Variants in ATOH8 observed in about 807,000 individuals in gnomAD.
The protein encoded by ATOH8 is transcription factor ATOH8.
Under a neutral mutation model 21.2 loss-of-function variants are expected in ATOH8, and 9 were observed. The ratio of observed to expected loss-of-function variants is 0.42; its 90% CI spans 0.26 to 0.74. The LOEUF (loss-of-function observed/expected upper bound fraction) is 0.74. Ranked by LOEUF, ATOH8 falls within the 30% of genes least tolerant of loss-of-function variation. ATOH8 has a pLI of 0.24. For synonymous variants in ATOH8, 253 were observed against 224.0 expected, an observed-to-expected ratio of 1.13 and a Z score of -1.16; for missense variants, 524 against 470.9, an observed-to-expected ratio of 1.11 and a Z score of -1.04.
intron 2 of ATOH8, chr2:85,772,828 C>T (rs944829412): frequency 1.1e-5 from 5 of 455,502 alleles, no homozygotes; most frequent in Admixed American, 4.7e-5. Flanking sequence ...TTCCCGTTTT[C>T]TTTTAATGTT....
intron 2 of ATOH8, among the ~76,000 whole-genome samples, chr2:85,764,763 G>A (rs545654788): frequency 2.0e-5 from 3 of 152,330 alleles, no homozygotes; most frequent in Admixed American, 6.5e-5. Context: ...CTCATAGGAG[G>A]GTCAGGGAGA....
chr2:85,772,066 C>T (rs1281281327), intron 2 of ATOH8, among the ~76,000 whole-genome samples: 2 of 152,246 alleles, frequency 1.3e-5, no homozygotes, highest in Admixed American at 6.5e-5. Flanking sequence ...TGCCTGGTGC[C>T]GTCCCTTGCC....
Position 85,766,938 on chromosome 2 carries a change from A to G in ATOH8, c.960+2756A>G, listed in dbSNP as rs1427586483. On this transcript the variant is annotated intron_variant, in intron 2 of 2. Coordinates refer to ENST00000306279, the MANE Select transcript of ATOH8 (RefSeq NM_032827.7). The surrounding 1 kb of genome is among the most constrained non-coding windows in gnomAD (Gnocchi z 4.0). ...TGGCCTTAGCTGGTCCCCTCGGCAGATGTCCTGCCCCAGAGTGGACTCATG... is the reference window on the plus strand; with the variant it reads ...TGGCCTTAGCTGGTCCCCTCGGCAGGTGTCCTGCCCCAGAGTGGACTCATG... Among the ~76,000 whole-genome samples the G allele has an allele frequency of 6.6e-6, 1 of 152,032 alleles. No homozygotes were observed. Among genetic ancestry groups the G allele is most frequent in the Non-Finnish European group, 1.5e-5 (1 of 68,002 alleles).
At chr2:85,774,107 T>G in intron 2 of ATOH8, 1 of 985,450 alleles carries the variant, frequency 1.0e-6, no homozygotes, top group Non-Finnish European at 1.2e-6. Flanking sequence ...CGTAATATTG[T>G]TTTGCAAAAT....
intron 2 of ATOH8, among the ~76,000 whole-genome samples, chr2:85,770,758 G>A (rs1458883940): frequency 1.3e-5 from 2 of 152,090 alleles, no homozygotes; most frequent in Admixed American, 6.5e-5. Context: ...CTGGGGTGCC[G>A]CTTCCTCCCT....
chr2:85,769,242 A>G (rs1680111160), intron 2 of ATOH8, among the ~76,000 whole-genome samples: 1 of 152,258 alleles, frequency 6.6e-6, no homozygotes, highest in African/African-American at 2.4e-5. Flanking sequence ...AATTGATAGC[A>G]TGTTTTGAGC....
chr2:85,755,138 A>T (rs1382727292), intron 1 of ATOH8, among the ~76,000 whole-genome samples, 181 bp downstream of exon 1: 1 of 152,228 alleles, frequency 6.6e-6, no homozygotes, highest in East Asian at 1.9e-4. Flanking sequence ...CAAAGTGGCT[A>T]TAAGAGTTGG....
intron 2 of ATOH8, chr2:85,783,504 G>GT (rs1323559186): frequency 6.6e-6 from 1 of 152,544 alleles, no homozygotes; most frequent in Non-Finnish European, 1.5e-5. Flanking sequence ...GGAGGCGGAG[G>GT]TTGCAGTGAG....
Position 85,788,055 on chromosome 2 carries a change from A to T in ATOH8, c.*1165A>T, listed in dbSNP as rs1365910101. 1.3e-5 allele frequency: 2 copies of T among 152,586 alleles called. No homozygotes were observed. The highest frequency in any genetic ancestry group is 2.9e-5 in the Non-Finnish European group (2 of 68,056). The allele number at this position is 152,586 out of a possible 1,614,324, so 9.5% of individuals were successfully genotyped here. On this transcript the variant is annotated 3_prime_UTR_variant, in exon 3 of 3. Transcript: ENST00000306279. ...TTCAAATTGAAGTAAAAGCCCCAAA[A>T]TGTCAAGAAAATACTTGTGTTGAGT...
At chr2:85,765,702 C>G (rs1476321760) in intron 2 of ATOH8, among the ~76,000 whole-genome samples, 1 of 152,176 alleles carries the variant, frequency 6.6e-6, no homozygotes, top group African/African-American at 2.4e-5. Flanking sequence ...CTGCCCTACC[C>G]CCGCACCCTC....
rs775218793 is a variant in ATOH8, at chr2:85,754,702, G to C, written c.513G>C (p.Pro171=). The part of the protein sequence containing the change: ...ARPAPSAPPA[P]PAPPESTVRP... ...CCGCGCCGTCAGCACCCCCAGCACC[G>C]CCAGCGCCCCCGGAGTCCACTGTGC... The change falls in exon 1 of 3, where the codon CCG becomes CCC. Residue 171 remains proline, a synonymous_variant. Coordinates refer to ENST00000306279, the MANE Select transcript of ATOH8 (RefSeq NM_032827.7). 3.1e-6 allele frequency: 5 copies of C among 1,607,992 alleles called. No homozygotes were observed. The highest frequency in any genetic ancestry group is 4.2e-6 in the Non-Finnish European group (5 of 1,177,728).
At chr2:85,769,610 A>G (rs1680123926) in intron 2 of ATOH8, among the ~76,000 whole-genome samples, 2 of 152,228 alleles carry the variant, frequency 1.3e-5, no homozygotes, top group African/African-American at 4.8e-5. Context: ...TCTTGGGTGC[A>G]GACCCCGTAG....
Position 85,754,357 on chromosome 2 carries a change from C to T in ATOH8, c.168C>T (p.Ala56=). 6.2e-7 allele frequency: 1 copy of T among 1,606,630 alleles called. No individual in the cohort carries two copies. The highest frequency in any genetic ancestry group is 8.5e-7 in the Non-Finnish European group (1 of 1,177,506). The change falls in exon 1 of 3, where the codon GCC becomes GCT. Residue 56 remains alanine, a synonymous_variant. Transcript: ENST00000306279. ...DLEAPEPRAV[A]TNGLRDRTHR... ...AAGCGCCCGAGCCCCGCGCCGTAGC[C>T]ACCAACGGGCTGCGGGACAGGACCC...
chr2:85,784,605 C>T lies in ATOH8; in HGVS notation c.961-2280C>T, dbSNP rs114697880. On this transcript the variant is annotated intron_variant, in intron 2 of 2. Coordinates refer to ENST00000306279, the MANE Select transcript of ATOH8 (RefSeq NM_032827.7). The stretch of plus-strand genomic sequence containing the variant: ...CCACACAAATTTGTTTACTGCAGGA[C>T]TTTTCGGAGCCTTTGACATGCTAAT... Among the ~76,000 whole-genome samples, 546 of 152,234 alleles carry T rather than the reference C, an allele frequency of 3.6e-3. 5 individuals are homozygous for T. The highest frequency in any genetic ancestry group is 0.012 in the African/African-American group (509 of 41,554).
chr2:85,779,497 G>A (rs1680426636), intron 2 of ATOH8, among the ~76,000 whole-genome samples: 1 of 152,262 alleles, frequency 6.6e-6, no homozygotes, highest in Admixed American at 6.5e-5. Flanking sequence ...GCTCCTCTAA[G>A]CTCTGGCCCT....
chr2:85,784,309 G>A (rs560648630), intron 2 of ATOH8, among the ~76,000 whole-genome samples: 2 of 152,212 alleles, frequency 1.3e-5, no homozygotes, highest in Middle Eastern at 3.4e-3. Context: ...AGGCTGAGGC[G>A]AGGGGATTGC....
At chr2:85,759,014 A>G (rs904535229) in intron 1 of ATOH8, among the ~76,000 whole-genome samples, 9 of 152,332 alleles carry the variant, frequency 5.9e-5, no homozygotes, top group African/African-American at 1.2e-4. Flanking sequence ...GGAGGATGGC[A>G]GCAATGGAAG....
chr2:85,769,778 T>G (rs1680129956), intron 2 of ATOH8, among the ~76,000 whole-genome samples: 1 of 152,092 alleles, frequency 6.6e-6, no homozygotes, highest in Non-Finnish European at 1.5e-5. Context: ...CTGTGGACTG[T>G]GGGAGGCGGA....
At chr2:85,765,412 G>GCC (rs1679986991) in intron 2 of ATOH8, among the ~76,000 whole-genome samples, 1 of 152,240 alleles carries the variant, frequency 6.6e-6, no homozygotes, top group African/African-American at 2.4e-5. Flanking sequence ...CGCTGCCGCT[G>GCC]CCACGGTAAC....
Sources: gnomAD v4.1 joint callset for allele counts (sites outside exome capture counted in the v4.1 genomes callset) on GRCh38, gnomAD v4.1.1 for gene constraint, Gnocchi (gnomAD v3.1) non-coding constraint, MANE v1.5 for transcripts, NCBI Gene and HGNC (gene_info 2026-07-23, HGNC 2026-07-21) for gene names.